The following SH3KBP1 variants were observed in gnomAD, a reference collection of about 807,000 sequenced individuals.
SH3KBP1 encodes SH3 domain-containing kinase-binding protein 1.
SH3KBP1 carries 8 observed loss-of-function variants against 50.1 expected under a neutral mutation model. The ratio of observed to expected loss-of-function variants is 0.16; its 90% CI spans 0.09 to 0.29. The LOEUF is 0.29. Among genes scored for constraint, SH3KBP1 ranks in the 10% least tolerant of loss-of-function variants. The pLI is 1.00. For missense variants in SH3KBP1, 377 were observed against 535.2 expected (o/e 0.70, Z 2.92); for synonymous variants, 227 against 218.6 (o/e 1.04, Z -0.34).
rs183307319 is a variant in SH3KBP1, at chrX:19,599,316, G to A, written c.1006-4316C>T. Among the ~76,000 whole-genome samples, 298 of 112,290 alleles carry A rather than the reference G, an allele frequency of 2.7e-3. 1 individual carries two copies. The highest frequency in any genetic ancestry group is 9.0e-3 in the African/African-American group (278 of 30,901). ...AAAAAAAAAATCCCTTTAATGTTGTGTCACATTTAGCATGTAGCAGACACA... is the reference window on the plus strand; with the variant it reads ...AAAAAAAAAATCCCTTTAATGTTGTATCACATTTAGCATGTAGCAGACACA... On this transcript the variant is annotated intron_variant, in intron 9 of 17. Transcript: ENST00000397821.
intron 2 of SH3KBP1, among the ~76,000 whole-genome samples, chrX:19,825,180 A>G (rs182015745): frequency 6.8e-4 from 76 of 111,832 alleles, no homozygotes; most frequent in Non-Finnish European, 3.4e-4. Flanking sequence ...ATAACGAAAT[A>G]TTTTCCCTAA....
Position 19,590,885 on chromosome X carries a change from C to A in SH3KBP1, c.1138+1182G>T, listed in dbSNP as rs894969632. On this transcript the variant is annotated intron_variant, in intron 11 of 17. Coordinates refer to ENST00000397821, the MANE Select transcript of SH3KBP1 (RefSeq NM_031892.3). ...TTATGTTGCCCAGGCTGGTCTTGAA[C>A]TCCTGGGCTCAAGTGATCCTCCCGC... Among the ~76,000 whole-genome samples the A allele has an allele frequency of 8.2e-5, 7 of 85,580 alleles. No homozygotes were observed. The East Asian group carries it at 2.6e-3, about 32-fold the overall frequency. The allele number at this position is 85,580 out of a possible 115,157, so 74.3% of individuals were successfully genotyped here.
At chrX:19,743,365 C>T (rs1051528982) in intron 3 of SH3KBP1, among the ~76,000 whole-genome samples, 25 of 109,405 alleles carry the variant, frequency 2.3e-4, no homozygotes, top group African/African-American at 7.3e-4. Context: ...GCCATGATCG[C>T]GCCACTGCAC....
intron 12 of SH3KBP1, among the ~76,000 whole-genome samples, chrX:19,572,599 G>A (rs781572383): frequency 6.7e-4 from 73 of 108,520 alleles, no homozygotes; most frequent in South Asian, 1.6e-3. Context: ...TCATTCTGTC[G>A]CCCAGGCTGG....
At chrX:19,739,255 CG>C (rs1407376268) in intron 3 of SH3KBP1, among the ~76,000 whole-genome samples, 2 of 111,438 alleles carry the variant, frequency 1.8e-5, no homozygotes, top group Non-Finnish European at 3.8e-5. Flanking sequence ...ACATACCAAG[CG>C]GGGGCAGTCT....
chrX:19,788,804 G>C (rs1569472530), intron 2 of SH3KBP1, among the ~76,000 whole-genome samples: 1 of 112,085 alleles, frequency 8.9e-6, no homozygotes, highest in East Asian at 2.8e-4. Flanking sequence ...CTTTGAAAAG[G>C]ACTTAAAAGG....
intron 1 of SH3KBP1, among the ~76,000 whole-genome samples, chrX:19,838,320 C>T (rs1378982234): frequency 2.7e-5 from 3 of 112,178 alleles, no homozygotes; most frequent in African/African-American, 9.7e-5. Context: ...ACAGTGGAAT[C>T]AAGGAGTACC....
chrX:19,648,349 G>GGGAAGGAAGGAAGGAA (rs769914541), intron 6 of SH3KBP1, among the ~76,000 whole-genome samples: 1 of 103,249 alleles, frequency 9.7e-6, no homozygotes, highest in Non-Finnish European at 2.0e-5. Context: ...AAGAGAAGGA[G>GGGAAGGAAGGAAGGAA]GGAAGGAAGG....
intron 6 of SH3KBP1, among the ~76,000 whole-genome samples, chrX:19,651,554 G>A (rs953611209): frequency 2.7e-5 from 3 of 112,195 alleles, no homozygotes; most frequent in African/African-American, 6.5e-5. Context: ...TTCTGATTAC[G>A]AAATTGGGCT....
In SH3KBP1 at chrX:19,692,315, G is replaced by C. The variant is rs184233202; in HGVS notation, c.520+3297C>G. 5.4e-5 allele frequency among the ~76,000 whole-genome samples: 6 copies of C among 110,881 alleles called. No homozygotes were observed. The East Asian group carries it at 1.7e-3, about 31-fold the overall frequency. ...ATACATCAGAATAAGAGAAAAGCAAGTTCAAAAGATTTTCACCTGTCATTC... is the reference window on the plus strand; with the variant it reads ...ATACATCAGAATAAGAGAAAAGCAACTTCAAAAGATTTTCACCTGTCATTC... On this transcript the variant is annotated intron_variant, in intron 5 of 17. Transcript: ENST00000397821.
chrX:19,721,252 G>A (rs1257394492), intron 3 of SH3KBP1, among the ~76,000 whole-genome samples: 1 of 110,558 alleles, frequency 9.0e-6, no homozygotes, highest in African/African-American at 3.3e-5. Context: ...GAATTCAGGG[G>A]GTCTAAACTT....
chrX:19,748,377 C>T (rs957219213), intron 2 of SH3KBP1, among the ~76,000 whole-genome samples: 5 of 111,465 alleles, frequency 4.5e-5, no homozygotes, highest in Non-Finnish European at 9.4e-5. Flanking sequence ...GAGAAAGCCT[C>T]AGAAGCCATG....
At chrX:19,659,888 T>G (rs893581605) in intron 6 of SH3KBP1, among the ~76,000 whole-genome samples, 3 of 112,932 alleles carry the variant, frequency 2.7e-5, no homozygotes, top group Non-Finnish European at 5.6e-5. Flanking sequence ...TTGAATCAAC[T>G]GGACTATAAA....
chrX:19,613,695 G>A (rs534041534), intron 8 of SH3KBP1, among the ~76,000 whole-genome samples: 4 of 112,329 alleles, frequency 3.6e-5, no homozygotes, highest in African/African-American at 9.7e-5. Flanking sequence ...CAGCCTCTGC[G>A]TTCTGCTACA....
chrX:19,549,683 C>T (rs2147636303), intron 14 of SH3KBP1, among the ~76,000 whole-genome samples: 1 of 111,624 alleles, frequency 9.0e-6, no homozygotes, highest in South Asian at 3.8e-4. Context: ...TTTTTCTTAC[C>T]CATTTCATTT....
At chrX:19,550,419 T>C (rs766136825) in intron 13 of SH3KBP1, among the ~76,000 whole-genome samples, 2 of 111,417 alleles carry the variant, frequency 1.8e-5, no homozygotes, top group Admixed American at 9.5e-5. Flanking sequence ...AAGTCCATTT[T>C]AGTAGACAGA....
In SH3KBP1 at chrX:19,869,909, T is replaced by TA. The variant is rs752167651; in HGVS notation, c.4+17397dup. On this transcript the variant is annotated intron_variant, in intron 1 of 17. Coordinates refer to ENST00000397821, the MANE Select transcript of SH3KBP1 (RefSeq NM_031892.3). The stretch of plus-strand genomic sequence containing the variant: ...AAAACCACTCCTTGCTATGCACATT[T>TA]AAAAAAATACACTTCACACATACAC... Among the ~76,000 whole-genome samples the TA allele has an allele frequency of 2.7e-5, 3 of 112,154 alleles. No homozygotes were observed. In the Admixed American group the frequency reaches 2.8e-4, roughly 11 times the overall value.
At chrX:19,616,577 A>T (rs1344796137) in intron 8 of SH3KBP1, among the ~76,000 whole-genome samples, 3 of 111,312 alleles carry the variant, frequency 2.7e-5, no homozygotes, top group African/African-American at 9.8e-5. Flanking sequence ...AGATCTAGTC[A>T]TTTGCGATTA....
chrX:19,869,871 CT>C (rs1480394698), intron 1 of SH3KBP1, among the ~76,000 whole-genome samples: 12 of 112,423 alleles, frequency 1.1e-4, no homozygotes, highest in South Asian at 3.6e-4. Context: ...AATCCAGCAA[CT>C]TAAAACCCAG....
Sources: allele counts gnomAD v4.1 joint callset (sites outside exome capture counted in the v4.1 genomes callset), GRCh38; gene constraint gnomAD v4.1.1; transcripts MANE v1.5; gene names NCBI Gene and HGNC (gene_info 2026-07-23, HGNC 2026-07-21).